CELF2: variants seen among roughly 807,000 people sequenced by gnomAD.
CELF2 encodes the protein CUG triplet repeat RNA-binding protein 2.
In CELF2, 8 loss-of-function variants were observed where a neutral mutation model predicts 62.6. The ratio of observed to expected loss-of-function variants is 0.13; its 90% confidence interval spans 0.07 to 0.23. The LOEUF (loss-of-function observed/expected upper bound fraction) is 0.23, where lower values mean the gene tolerates loss of function less well. CELF2 is among the 10% of genes least tolerant of loss of function. The pLI, the probability that CELF2 is intolerant of heterozygous loss-of-function variation, is 1.00. For synonymous variants in CELF2, 258 were observed against 250.0 expected, an observed-to-expected ratio of 1.03 and a Z score of -0.30; for missense variants, 333 against 671.0, an observed-to-expected ratio of 0.50 and a Z score of 5.56.
chr10:10,567,532 A>T, the CELF2 span, among the ~76,000 whole-genome samples: 1 of 152,150 alleles, frequency 6.6e-6, no homozygotes, highest in East Asian at 1.9e-4. Flanking sequence ...GCATCAACAG[A>T]GGCTTCAGCA....
At chr10:10,691,493 A>G in the CELF2 span, among the ~76,000 whole-genome samples, 2 of 151,466 alleles carry the variant, frequency 1.3e-5, no homozygotes, top group African/African-American at 4.9e-5. Context: ...TTATAGCAGC[A>G]TGATTTATAG....
At chr10:10,790,944 A>G in the CELF2 span, among the ~76,000 whole-genome samples, 1 of 152,138 alleles carries the variant, frequency 6.6e-6, no homozygotes. Context: ...ACAAACTACA[A>G]TCATCATTTA....
chr10:10,564,670 A>ACACACACG, the CELF2 span, among the ~76,000 whole-genome samples: 1 of 98,508 alleles, frequency 1.0e-5, no homozygotes, highest in African/African-American at 5.1e-5. Flanking sequence ...ACACACACAC[A>ACACACACG]CACGCACACA....
At chr10:10,475,486 A>C in the CELF2 span, among the ~76,000 whole-genome samples, 2 of 152,064 alleles carry the variant, frequency 1.3e-5, no homozygotes, top group Admixed American at 1.3e-4. Flanking sequence ...CAAAAAAAAA[A>C]AAAAAGTAAT....
chr10:10,468,815 A>G, the CELF2 span, among the ~76,000 whole-genome samples: 2 of 152,000 alleles, frequency 1.3e-5, no homozygotes, highest in East Asian at 1.9e-4. Flanking sequence ...TAAACTTTAC[A>G]TAAAGCATCA....
the CELF2 span, among the ~76,000 whole-genome samples, chr10:10,513,971 T>C: frequency 6.6e-6 from 1 of 152,182 alleles, no homozygotes; most frequent in African/African-American, 2.4e-5. Flanking sequence ...CCTAGATCCC[T>C]CTCTGAGCAA....
At chr10:10,668,611 T>C in the CELF2 span, among the ~76,000 whole-genome samples, 1 of 152,304 alleles carries the variant, frequency 6.6e-6, no homozygotes. Flanking sequence ...AGGTTTTATT[T>C]CTTGTTTTGT....
the CELF2 span, among the ~76,000 whole-genome samples, chr10:10,494,474 G>A: frequency 6.6e-6 from 1 of 152,184 alleles, no homozygotes. Flanking sequence ...GTAGCCAGTT[G>A]CTTTCCAATA....
At chr10:10,986,414 T>G (rs765216453) in intron 2 of CELF2, among the ~76,000 whole-genome samples, 1 of 152,216 alleles carries the variant, frequency 6.6e-6, no homozygotes, top group Non-Finnish European at 1.5e-5. Flanking sequence ...ATTCTATTCT[T>G]TAATACTGAT....
At position 10,931,826 on chromosome 10, in the gene CELF2, T is replaced by C. The variant is rs1442944480; in HGVS notation, c.89+11827T>C. On this transcript the variant is annotated intron_variant, in intron 2 of 13. Transcript: ENST00000636488. The surrounding 1 kb of genome is among the most constrained non-coding windows in gnomAD (Gnocchi z 6.1). ...TAATTTATAAAGACATGAGGTTTAA[T>C]GGACTCACAGTTCCACATGGCTAGG... Among the ~76,000 whole-genome samples the C allele has an allele frequency of 6.6e-6, 1 of 152,192 alleles. No homozygotes were observed. The highest frequency in any genetic ancestry group is 2.1e-4 in the South Asian group (1 of 4,832).
the CELF2 span, among the ~76,000 whole-genome samples, chr10:10,583,272 A>G: frequency 0.011 from 1,716 of 152,236 alleles, 63 homozygotes; most frequent in East Asian, 0.098. Flanking sequence ...GCAGGATTTG[A>G]CAGTTTATCA....
chr10:11,314,502 A>G lies in CELF2; in HGVS notation c.1096+244A>G. ...TGTAGCACAGCGCGTGTGCTCATCC[A>G]TGGGGTTCTGTGGCTGGCAGCTCTT... On this transcript the variant is annotated intron_variant, in intron 10 of 12. Transcript: ENST00000633077. The surrounding 1 kb of genome is among the most constrained non-coding windows in gnomAD (Gnocchi z 5.3). The G allele has an allele frequency of 1.8e-6, 1 of 552,622 alleles. No homozygotes were observed. The highest frequency in any genetic ancestry group is 3.3e-6 in the Non-Finnish European group (1 of 301,530). 34.2% of individuals were successfully genotyped at this position (552,622 alleles called of 1,614,324 possible).
chr10:10,811,503 C>T (rs2055888930), intron 1 of CELF2, among the ~76,000 whole-genome samples: 1 of 151,970 alleles, frequency 6.6e-6, no homozygotes, highest in Non-Finnish European at 1.5e-5. Flanking sequence ...CCCTGGTCTT[C>T]CTCGTGGTTA....
chr10:11,130,032 A>G (rs1011894509), intron 1 of CELF2, among the ~76,000 whole-genome samples: 3 of 152,158 alleles, frequency 2.0e-5, no homozygotes, highest in African/African-American at 7.2e-5. Context: ...TTCCCTCTAC[A>G]CACTGCTTTA....
the CELF2 span, among the ~76,000 whole-genome samples, chr10:10,545,377 G>C: frequency 3.3e-5 from 5 of 152,042 alleles, no homozygotes; most frequent in East Asian, 9.6e-4. Flanking sequence ...TAGTAATCCC[G>C]TCACTGGATT....
chr10:10,807,712 G>T (rs2055377233), intron 1 of CELF2, among the ~76,000 whole-genome samples: 1 of 152,120 alleles, frequency 6.6e-6, no homozygotes, highest in Non-Finnish European at 1.5e-5. Context: ...GTATTAAAGA[G>T]CCAGCAATAT....
At chr10:11,111,202 A>G (rs541324583) in intron 1 of CELF2, among the ~76,000 whole-genome samples, 8 of 152,306 alleles carry the variant, frequency 5.3e-5, no homozygotes, top group African/African-American at 1.7e-4. Context: ...GTTAATCTAC[A>G]TCTTCTTCCC....
chr10:11,285,819 A>G lies in CELF2; in HGVS notation c.842-2599A>G, dbSNP rs1212772701. ...CATAGATTTGCTCATCACCTACTAT[A>G]TATATTGGTGTGTGTGTGTGTGTGT... On this transcript the variant is annotated intron_variant, in intron 8 of 12. Transcript: ENST00000633077. The surrounding 1 kb of genome is among the most constrained non-coding windows in gnomAD (Gnocchi z 4.3). Among the ~76,000 whole-genome samples the G allele has an allele frequency of 1.4e-5, 2 of 145,948 alleles. No individual in the cohort carries two copies. Among genetic ancestry groups the G allele is most frequent in the African/African-American group, 2.5e-5 (1 of 39,470 alleles).
chr10:11,066,328 T>C (rs879938062), intron 1 of CELF2, among the ~76,000 whole-genome samples: 1 of 152,122 alleles, frequency 6.6e-6, no homozygotes, highest in Non-Finnish European at 1.5e-5. Flanking sequence ...TCATACTTGC[T>C]ATGGTGGGTG....
Sources: gnomAD v4.1 joint callset for allele counts (sites outside exome capture counted in the v4.1 genomes callset) on GRCh38, gnomAD v4.1.1 for gene constraint, Gnocchi (gnomAD v3.1) non-coding constraint, MANE v1.5 for transcripts, NCBI Gene and HGNC (gene_info 2026-07-23, HGNC 2026-07-21) for gene names.